CACNA2D1: variants seen among roughly 807,000 people sequenced by gnomAD.
CACNA2D1 encodes calcium voltage-gated channel auxiliary subunit alpha2delta 1.
Under a neutral mutation model 171.5 loss-of-function variants are expected in CACNA2D1, and 53 were observed. The observed-to-expected ratio is 0.31, with a 90% CI of 0.25 to 0.39. CACNA2D1 has a LOEUF of 0.39. CACNA2D1 is among the 10% of genes least tolerant of loss of function. The pLI is 1.00. For synonymous variants in CACNA2D1, 442 were observed against 443.1 expected (o/e 1.00, Z 0.03); for missense variants, 903 against 1,299.8 (o/e 0.69, Z 4.69).
At chr7:82,385,784 C>T (rs1824291544) in intron 1 of CACNA2D1, among the ~76,000 whole-genome samples, 1 of 152,050 alleles carries the variant, frequency 6.6e-6, no homozygotes, top group African/African-American at 2.4e-5. Flanking sequence ...CCTGCCTCAG[C>T]CTCCCGAATA....
intron 5 of CACNA2D1, among the ~76,000 whole-genome samples, chr7:82,128,927 T>A (rs1431312306): frequency 1.3e-5 from 2 of 151,952 alleles, no homozygotes; most frequent in East Asian, 3.9e-4. Context: ...AGGCTGAAAG[T>A]AGACAATAAG....
intron 3 of CACNA2D1, among the ~76,000 whole-genome samples, chr7:82,317,286 A>G (rs896648628): frequency 6.6e-6 from 1 of 152,230 alleles, no homozygotes; most frequent in African/African-American, 2.4e-5. Context: ...ACAAAAATGT[A>G]CACTGCCAGC....
At chr7:82,313,738 C>T (rs1036015420) in intron 3 of CACNA2D1, among the ~76,000 whole-genome samples, 8 of 152,130 alleles carry the variant, frequency 5.3e-5, no homozygotes, top group African/African-American at 1.9e-4. Context: ...TACCTTTTGT[C>T]GGTTTTCAGC....
Position 81,951,969 on chromosome 7 carries a change from G to GTTTTTTTTTTTTTTTTTTT in CACNA2D1, c.3160-1480_3160-1462dup, listed in dbSNP as rs774805421. ...CATTCCCACCAGCAGTGTACAAAGT[G>GTTTTTTTTTTTTTTTTTTT]TTTTTTTTTTTTTTTTTTTTTTAAC... On this transcript the variant is annotated intron_variant, in intron 38 of 38. Coordinates refer to ENST00000356860, the MANE Select transcript of CACNA2D1 (RefSeq NM_000722.4). 5.9e-3 allele frequency among the ~76,000 whole-genome samples: 421 copies of GTTTTTTTTTTTTTTTTTTT among 71,702 alleles called. 3 individuals carry two copies. Among genetic ancestry groups the GTTTTTTTTTTTTTTTTTTT allele is most frequent in the Middle Eastern group, 0.012 (1 of 84 alleles). 47.0% of individuals were successfully genotyped at this position (71,702 alleles called of 152,430 possible).
intron 3 of CACNA2D1, among the ~76,000 whole-genome samples, chr7:82,302,887 T>C (rs1260805931): frequency 6.6e-6 from 1 of 152,372 alleles, no homozygotes; most frequent in East Asian, 1.9e-4. Context: ...GTCTAAAAGA[T>C]AGTTTATACA....
At position 82,335,183 on chromosome 7, in the gene CACNA2D1, T is replaced by C; in HGVS notation, c.246A>G (p.Ala82=). The C allele has an allele frequency of 6.2e-7, 1 of 1,613,430 alleles. No homozygotes were observed. The highest frequency in any genetic ancestry group is 8.5e-7 in the Non-Finnish European group (1 of 1,179,440). Residue 82 remains alanine, a synonymous_variant, in exon 3 of 39, where the codon GCA becomes GCG. Transcript: ENST00000356860. ...TCAGAAGTTTCTCAATATCCCTGGCTGCAATTTCTACCAGCTGGCGTGCAT... is the reference window on the plus strand; with the variant it reads ...TCAGAAGTTTCTCAATATCCCTGGCCGCAATTTCTACCAGCTGGCGTGCAT... ...PNNARQLVEI[A]ARDIEKLLSN...
At chr7:81,964,154 T>G (rs1480553655) in intron 33 of CACNA2D1, 46 bp from the exon 34 acceptor site, 15 of 1,609,916 alleles carry the variant, frequency 9.3e-6, no homozygotes, top group Non-Finnish European at 1.3e-5. Flanking sequence ...TACTTGATAC[T>G]GAGGACACTT....
chr7:82,269,326 G>C (rs1301886813), intron 3 of CACNA2D1, among the ~76,000 whole-genome samples: 1 of 152,042 alleles, frequency 6.6e-6, no homozygotes, highest in Non-Finnish European at 1.5e-5. Flanking sequence ...ACAAGCCATA[G>C]AATTCAAATC....
intron 3 of CACNA2D1, among the ~76,000 whole-genome samples, chr7:82,269,344 G>T (rs1808328729): frequency 6.6e-6 from 1 of 151,980 alleles, no homozygotes; most frequent in Admixed American, 6.6e-5. Flanking sequence ...ATCCAGATGT[G>T]CCCACTCTTA....
At chr7:82,217,406 T>C (rs1200422633) in intron 3 of CACNA2D1, among the ~76,000 whole-genome samples, 1 of 73,402 alleles carries the variant, frequency 1.4e-5, no homozygotes, top group Admixed American at 1.5e-4. Flanking sequence ...TATATATATA[T>C]ATATATATAT....
intron 5 of CACNA2D1, among the ~76,000 whole-genome samples, chr7:82,127,855 C>A (rs1790513709): frequency 6.6e-6 from 1 of 152,116 alleles, no homozygotes; most frequent in Non-Finnish European, 1.5e-5. Context: ...GCCTTCTATC[C>A]TTCCATGAGA....
At chr7:82,053,029 G>A (rs1584551663) in intron 10 of CACNA2D1, among the ~76,000 whole-genome samples, 2 of 151,992 alleles carry the variant, frequency 1.3e-5, no homozygotes, top group South Asian at 4.1e-4. Flanking sequence ...GAGGCGGGCG[G>A]ATCACAAGGT....
At chr7:82,334,529 T>A (rs1817751388) in intron 3 of CACNA2D1, among the ~76,000 whole-genome samples, 1 of 152,170 alleles carries the variant, frequency 6.6e-6, no homozygotes. Context: ...CAAACATACA[T>A]ATAAATCATA....
At chr7:82,275,172 C>T (rs1389650781) in intron 3 of CACNA2D1, among the ~76,000 whole-genome samples, 2 of 69,038 alleles carry the variant, frequency 2.9e-5, no homozygotes, top group Non-Finnish European at 5.7e-5. Context: ...ATAAATTTAT[C>T]ACTTAAATTT....
At chr7:82,005,739 T>G (rs911404531) in intron 17 of CACNA2D1, 26 bp downstream of exon 17, 2 of 1,448,648 alleles carry the variant, frequency 1.4e-6, no homozygotes, top group Middle Eastern at 1.7e-4. Context: ...CTAGAAAGGG[T>G]ATCAAAAGAG....
At chr7:82,099,290 A>T (rs1390407311) in intron 6 of CACNA2D1, among the ~76,000 whole-genome samples, 1 of 151,932 alleles carries the variant, frequency 6.6e-6, no homozygotes, top group Admixed American at 6.6e-5. Flanking sequence ...CCTTCCATTC[A>T]CTATTCCTAG....
In CACNA2D1 at chr7:82,301,730, TACACACACACACACACAC is replaced by T. The variant is rs4018910; in HGVS notation, c.294+33387_294+33404del. On this transcript the variant is annotated intron_variant, in intron 3 of 38. Coordinates refer to ENST00000356860, the MANE Select transcript of CACNA2D1 (RefSeq NM_000722.4). Reference sequence around the variant, plus strand: ...ATTGTGTATTAATTTTGGTAAATAATACACACACACACACACACACACACACACACACACACACACACA... The same window carrying T: ...ATTGTGTATTAATTTTGGTAAATAATACACACACACACACACACACACACA... Among the ~76,000 whole-genome samples, 329 of 142,278 alleles carry T rather than the reference TACACACACACACACACAC, an allele frequency of 2.3e-3. 1 individual carries two copies. Among genetic ancestry groups the T allele is most frequent in the South Asian group, 8.4e-3 (37 of 4,386 alleles). 93.3% of individuals were successfully genotyped at this position (142,278 alleles called of 152,430 possible). A position where few individuals can be genotyped will look rare whatever the true frequency, so the allele number is the denominator to read the frequency against.
intron 3 of CACNA2D1, among the ~76,000 whole-genome samples, chr7:82,175,982 C>A (rs1796509081): frequency 6.6e-6 from 1 of 151,906 alleles, no homozygotes; most frequent in Non-Finnish European, 1.5e-5. Flanking sequence ...TTTTACCCTG[C>A]AGGAAAGCTC....
chr7:82,370,885 T>C (rs1822329635), intron 1 of CACNA2D1, among the ~76,000 whole-genome samples: 1 of 152,096 alleles, frequency 6.6e-6, no homozygotes, highest in Non-Finnish European at 1.5e-5. Flanking sequence ...TAAAGGATTT[T>C]AAAATAATTA....
Sources: allele counts gnomAD v4.1 joint callset (sites outside exome capture counted in the v4.1 genomes callset), GRCh38; gene constraint gnomAD v4.1.1; transcripts MANE v1.5; gene names NCBI Gene and HGNC (gene_info 2026-07-23, HGNC 2026-07-21).